Variants in STAMBP observed in about 807,000 individuals in gnomAD.
STAMBP encodes the protein STAM-binding protein.
STAMBP carries 31 observed loss-of-function variants against 50.7 expected under a neutral mutation model. The observed-to-expected ratio is 0.61, with a 90% CI of 0.46 to 0.83. The LOEUF (loss-of-function observed/expected upper bound fraction) is 0.83, where lower values mean the gene tolerates loss of function less well. Ranked by LOEUF, STAMBP falls within the 40% of genes least tolerant of loss-of-function variation. The pLI is 0.00. For missense variants in STAMBP, 472 were observed against 518.9 expected (o/e 0.91, Z 0.88); for synonymous variants, 211 against 192.4 (o/e 1.10, Z -0.80).
intron 2 of STAMBP, among the ~76,000 whole-genome samples, chr2:73,832,108 T>TATATATATATATATAC (rs1006072205): frequency 0.016 from 1,930 of 122,398 alleles, 46 homozygotes; most frequent in East Asian, 0.034. Context: ...TATATATATA[T>TATATATATATATATAC]ACACATATAT....
intron 2 of STAMBP, among the ~76,000 whole-genome samples, chr2:73,836,075 G>T (rs933338869): frequency 1.3e-5 from 2 of 151,736 alleles, no homozygotes; most frequent in Non-Finnish European, 2.9e-5. Flanking sequence ...CTAAAAATAC[G>T]CCTTTAGAGA....
At chr2:73,854,778 A>C (rs1341324968) in intron 7 of STAMBP, among the ~76,000 whole-genome samples, 1 of 152,170 alleles carries the variant, frequency 6.6e-6, no homozygotes, top group African/African-American at 2.4e-5. Flanking sequence ...ACTTGAGGCC[A>C]GGAGTTCAAG....
At position 73,866,565 on chromosome 2, in the gene STAMBP, G is replaced by A. The variant is rs894703812; in HGVS notation, c.*4306G>A. On this transcript the variant is annotated 3_prime_UTR_variant, in exon 10 of 10. Transcript: ENST00000394070. ...GAATAATGTGTTAGGTAGCCAGGTG[G>A]ACCTGTGTCCTAGCCTGGAGAAGCT... is the stretch of plus-strand genomic sequence containing the variant. 1.3e-5 allele frequency: 2 copies of A among 152,188 alleles called. No individual in the cohort carries two copies. The highest frequency in any genetic ancestry group is 1.5e-5 in the Non-Finnish European group (1 of 68,070). The allele number at this position is 152,188 out of a possible 1,614,324, so 9.4% of individuals were successfully genotyped here.
At chr2:73,845,999 C>T (rs559511524) in intron 4 of STAMBP, among the ~76,000 whole-genome samples, 2 of 152,300 alleles carry the variant, frequency 1.3e-5, no homozygotes, top group South Asian at 2.1e-4. Context: ...ACTGCCAGGG[C>T]GCTGTCAGTG....
intron 10 of STAMBP, among the ~76,000 whole-genome samples, chr2:73,872,177 C>T (rs1388373192): frequency 6.6e-6 from 1 of 152,130 alleles, no homozygotes; most frequent in Non-Finnish European, 1.5e-5. Flanking sequence ...ATCACTCTGA[C>T]CAGGAGGATG....
chr2:73,859,260 C>T lies in STAMBP; in HGVS notation c.1012C>T (p.Pro338Ser). 1 of 1,613,942 alleles carries T rather than the reference C, an allele frequency of 6.2e-7. No homozygotes were observed. Among genetic ancestry groups the T allele is most frequent in the South Asian group, 1.1e-5 (1 of 91,080 alleles). Residue 338 changes from proline (P) to serine (S), a missense_variant, in exon 8 of 10, where the codon CCC becomes TCC. Physicochemically the swap from Pro to Ser is moderately conservative, Grantham distance 74. Transcript: ENST00000394070. Reference protein sequence around the residue: ...LITLGWIHTHPTQTAFLSSVD... With the variant: ...LITLGWIHTHSTQTAFLSSVD... ...ACTCTTTTTCTCTCCTCAGACTCAC[C>T]CCACACAGACCGCGTTTCTCTCCAG...
chr2:73,855,782 C>T (rs1677477304), intron 7 of STAMBP: 2 of 429,864 alleles, frequency 4.7e-6, no homozygotes, highest in African/African-American at 2.0e-5. Context: ...TGAGGCTGCA[C>T]ATAAGAATCA....
chr2:73,833,535 G>C (rs1419465785), intron 2 of STAMBP, among the ~76,000 whole-genome samples: 1 of 151,964 alleles, frequency 6.6e-6, no homozygotes, highest in Non-Finnish European at 1.5e-5. Context: ...ATATTCTTAT[G>C]TATTTCCTAT....
rs565937394 is a variant in STAMBP, at chr2:73,865,775, G to A, written c.*3516G>A. The A allele has an allele frequency of 1.7e-4, 26 of 152,018 alleles. No homozygotes were observed. Among genetic ancestry groups the A allele is most frequent in the Admixed American group, 1.4e-3 (22 of 15,272 alleles). The allele number at this position is 152,018 out of a possible 1,614,324, so 9.4% of individuals were successfully genotyped here. ...TCTTGAAATGTTACAGTTGGGGTGC[G>A]GTTGCTTCTATCTTCTGGACCTCTG... is the stretch of plus-strand genomic sequence containing the variant. On this transcript the variant is annotated 3_prime_UTR_variant, in exon 10 of 10. Coordinates refer to ENST00000394070, the MANE Select transcript of STAMBP (RefSeq NM_213622.4).
intron 8 of STAMBP, among the ~76,000 whole-genome samples, chr2:73,859,734 AAAAT>A (rs1319431988): frequency 6.6e-6 from 1 of 151,786 alleles, no homozygotes; most frequent in Non-Finnish European, 1.5e-5. Context: ...ATAAAAATAA[AAAAT>A]AAGAAAGTTT....
intron 2 of STAMBP, among the ~76,000 whole-genome samples, chr2:73,837,061 T>G (rs1273941142): frequency 6.6e-6 from 1 of 152,214 alleles, no homozygotes; most frequent in Non-Finnish European, 1.5e-5. Flanking sequence ...CTTTTCTTGT[T>G]TTTTCTAACC....
downstream of STAMBP, chr2:73,870,342 G>A (rs538134511): frequency 8.8e-4 from 134 of 152,358 alleles, no homozygotes; most frequent in African/African-American, 3.1e-3. Context: ...GAGCTCTTTG[G>A]ACAAAACGTG....
intron 2 of STAMBP, among the ~76,000 whole-genome samples, chr2:73,836,028 A>G (rs1423739472): frequency 1.3e-5 from 2 of 151,782 alleles, no homozygotes; most frequent in Admixed American, 1.3e-4. Context: ...ATTCTTATTC[A>G]GACTATTTTC....
At chr2:73,844,190 T>C (rs182680344) in intron 2 of STAMBP, among the ~76,000 whole-genome samples, 80 of 152,364 alleles carry the variant, frequency 5.3e-4, no homozygotes, top group African/African-American at 1.9e-3. Context: ...AGATGAAATC[T>C]AGCATCTTAT....
downstream of STAMBP, among the ~76,000 whole-genome samples, chr2:73,868,195 T>C (rs1437186663): frequency 6.6e-6 from 1 of 151,426 alleles, no homozygotes; most frequent in Non-Finnish European, 1.5e-5. Flanking sequence ...TCTCATAAAT[T>C]GTGTACACAC....
At chr2:73,830,300 A>T (rs1673738030) in intron 1 of STAMBP, among the ~76,000 whole-genome samples, 1 of 152,246 alleles carries the variant, frequency 6.6e-6, no homozygotes, top group Admixed American at 6.5e-5. Flanking sequence ...TTCCCAGACC[A>T]GTTCCCCTAA....
rs1304553400 is a variant in STAMBP, at chr2:73,864,338, C to T, written c.*2079C>T. The T allele has an allele frequency of 1.3e-5, 2 of 152,208 alleles. No individual in the cohort carries two copies. The highest frequency in any genetic ancestry group is 4.8e-5 in the African/African-American group (2 of 41,448). 9.4% of individuals were successfully genotyped at this position (152,208 alleles called of 1,614,324 possible). A position where few individuals can be genotyped will look rare whatever the true frequency, so the allele number is the denominator to read the frequency against. On this transcript the variant is annotated 3_prime_UTR_variant, in exon 10 of 10. Transcript: ENST00000394070. ...AACTGCTATATTTTCTTTTCTCTTC[C>T]TCTAGGCACAAGATATCTTAGTGGC...
intron 2 of STAMBP, among the ~76,000 whole-genome samples, chr2:73,839,660 A>T (rs1386551047): frequency 1.3e-5 from 2 of 152,196 alleles, no homozygotes; most frequent in East Asian, 1.9e-4. Context: ...TTCACGATTT[A>T]AAAAATTTTT....
At chr2:73,849,518 CTG>C in intron 6 of STAMBP, 31 bp downstream of exon 6, 1 of 1,563,748 alleles carries the variant, frequency 6.4e-7, no homozygotes, top group Non-Finnish European at 8.6e-7. Flanking sequence ...AAACTCTTCT[CTG>C]AACCGAAACT....
Sources: gnomAD v4.1 joint callset for allele counts (sites outside exome capture counted in the v4.1 genomes callset) on GRCh38, gnomAD v4.1.1 for gene constraint, MANE v1.5 for transcripts, NCBI Gene and HGNC (gene_info 2026-07-23, HGNC 2026-07-21) for gene names.